The following MACO1 variants were observed in gnomAD, a reference collection of about 807,000 sequenced individuals.
MACO1 encodes macoilin.
MACO1 carries 14 observed loss-of-function variants against 78.7 expected under a neutral mutation model. The ratio of observed to expected loss-of-function variants is 0.18; its 90% CI spans 0.12 to 0.28. The LOEUF (loss-of-function observed/expected upper bound fraction) is 0.28. Ranked by LOEUF, MACO1 falls within the 10% of genes least tolerant of loss-of-function variation. MACO1 has a pLI of 1.00. For synonymous variants in MACO1, 288 were observed against 291.6 expected, an observed-to-expected ratio of 0.99 and a Z score of 0.12; for missense variants, 501 against 799.0, an observed-to-expected ratio of 0.63 and a Z score of 4.50.
At chr1:25,448,694 C>T in intron 2 of MACO1, 114 bp from the exon 3 acceptor site, 4 of 990,972 alleles carry the variant, frequency 4.0e-6, no homozygotes, top group South Asian at 3.3e-5. Flanking sequence ...TTACAGTTAC[C>T]AAGTTATCTC....
At chr1:25,492,424 CAG>C (rs2043494394) in intron 10 of MACO1, among the ~76,000 whole-genome samples, 2 of 152,014 alleles carry the variant, frequency 1.3e-5, no homozygotes, top group Non-Finnish European at 2.9e-5. Context: ...AGTATTTGAG[CAG>C]AGACCCAAAG....
intron 6 of MACO1, among the ~76,000 whole-genome samples, chr1:25,459,273 T>C (rs554043249): frequency 1.3e-5 from 2 of 152,320 alleles, no homozygotes; most frequent in African/African-American, 2.4e-5. Flanking sequence ...CAAACAGATA[T>C]ACATTGCAGG....
chr1:25,476,006 A>C (rs900940634), intron 6 of MACO1, among the ~76,000 whole-genome samples: 2 of 152,168 alleles, frequency 1.3e-5, no homozygotes, highest in African/African-American at 4.8e-5. Flanking sequence ...TTGACTATCT[A>C]AGTGCTTCTG....
intron 1 of MACO1, among the ~76,000 whole-genome samples, chr1:25,444,584 G>C (rs1227443099): frequency 1.3e-5 from 2 of 151,882 alleles, no homozygotes; most frequent in Non-Finnish European, 2.9e-5. Flanking sequence ...GTGTTTTTTT[G>C]TTTGTTTTTG....
Position 25,498,435 on chromosome 1 carries a change from A to G in MACO1, c.1964A>G (p.Asn655Ser), listed in dbSNP as rs775261429. 6.2e-6 allele frequency: 10 copies of G among 1,613,188 alleles called. No homozygotes were observed. Among genetic ancestry groups the G allele is most frequent in the Admixed American group, 1.7e-5 (1 of 59,864 alleles). Residue 655 changes from asparagine to serine, a missense_variant, in exon 11 of 11, where the codon AAT (asparagine) becomes AGT (serine). By Grantham distance (46) the Asn-to-Ser change is conservative (BLOSUM62 1). Transcript: ENST00000374343. Reference sequence around the variant, plus strand: ...ACCAGCCCCTCTGGACTTGACCCCAATGCCTCTGTTTACCAGCCCCTGAAG... The same window carrying G: ...ACCAGCCCCTCTGGACTTGACCCCAGTGCCTCTGTTTACCAGCCCCTGAAG... ...VETSPSGLDP[N>S]ASVYQPLKK
At chr1:25,431,264 G>A in intron 1 of MACO1, 86 bp downstream of exon 1, 1 of 1,060,916 alleles carries the variant, frequency 9.4e-7, no homozygotes, top group Non-Finnish European at 1.3e-6. Context: ...ATGTAACCCC[G>A]AGTAGGCCGC....
rs559083061 is a variant in MACO1 at position 25,471,812 on chromosome 1, C to G, written c.1155-12304C>G. 7.2e-5 allele frequency among the ~76,000 whole-genome samples: 11 copies of G among 152,274 alleles called. No homozygotes were observed. The South Asian group carries it at 2.3e-3, about 32-fold the overall frequency. On this transcript the variant is annotated intron_variant, in intron 6 of 10. Coordinates refer to ENST00000374343, the MANE Select transcript of MACO1 (RefSeq NM_018202.6). ...TTTGAGGTTATTAATAATTTTATTT[C>G]TAAATAGAAAGTCTCTTTGCTCCAA... is the stretch of plus-strand genomic sequence containing the variant.
chr1:25,483,082 C>A (rs1465735650), intron 6 of MACO1, among the ~76,000 whole-genome samples: 2 of 152,220 alleles, frequency 1.3e-5, no homozygotes, highest in Non-Finnish European at 1.5e-5. Flanking sequence ...CAGAGTCTCA[C>A]TCTTGTCACC....
intron 6 of MACO1, 104 bp downstream of exon 6, chr1:25,458,996 G>A (rs1430048857): frequency 7.2e-7 from 1 of 1,383,282 alleles, no homozygotes; most frequent in Non-Finnish European, 9.8e-7. Flanking sequence ...ATCAGATATT[G>A]TGACTAGTGA....
intron 6 of MACO1, among the ~76,000 whole-genome samples, chr1:25,477,972 G>A (rs182803919): frequency 3.4e-4 from 52 of 152,292 alleles, no homozygotes; most frequent in Non-Finnish European, 7.1e-4. Flanking sequence ...TCAGCTGGGC[G>A]TGGTGGCTCA....
Position 25,485,845 on chromosome 1 carries a change from C to G in MACO1, c.1496+50C>G, listed in dbSNP as rs767211882. On this transcript the variant is annotated intron_variant, in intron 8 of 10. Transcript: ENST00000374343. This position sits in a 1 kb window ranked among gnomAD's most constrained non-coding sequence, Gnocchi z 4.3. ...TAATCCAAGGTTGGCTTTCCTTTAC[C>G]AACAAAGACATGGGAATTTGGTGCC... 6.4e-7 allele frequency: 1 copy of G among 1,558,750 alleles called. No homozygotes were observed. Among genetic ancestry groups the G allele is most frequent in the East Asian group, 2.3e-5 (1 of 44,394 alleles).
intron 3 of MACO1, among the ~76,000 whole-genome samples, chr1:25,453,239 A>C (rs527712143): frequency 9.0e-5 from 13 of 144,212 alleles, no homozygotes; most frequent in Non-Finnish European, 1.8e-4. Context: ...TCCCGACCTC[A>C]GGTGATCCGC....
intron 10 of MACO1, among the ~76,000 whole-genome samples, chr1:25,493,727 C>CTTTTTTTTTTTT: frequency 1.1e-5 from 1 of 92,058 alleles, no homozygotes; most frequent in East Asian, 3.4e-4. Flanking sequence ...TAGTTTGATT[C>CTTTTTTTTTTTT]TTTTTTTTTT....
intron 6 of MACO1, among the ~76,000 whole-genome samples, chr1:25,472,742 G>A (rs985545294): frequency 2.6e-5 from 4 of 152,304 alleles, no homozygotes; most frequent in African/African-American, 9.6e-5. Flanking sequence ...CCTACAGGTG[G>A]CTACACAACA....
At chr1:25,435,289 C>T (rs2042909719) in intron 1 of MACO1, among the ~76,000 whole-genome samples, 1 of 152,028 alleles carries the variant, frequency 6.6e-6, no homozygotes, top group South Asian at 2.1e-4. Context: ...CAGTATTGTA[C>T]CTGACTGTCA....
chr1:25,439,897 A>G (rs769130293), intron 1 of MACO1, among the ~76,000 whole-genome samples: 3 of 151,694 alleles, frequency 2.0e-5, no homozygotes, highest in Non-Finnish European at 2.9e-5. Context: ...GCATGCCTGT[A>G]ATCCCAGCTA....
Position 25,498,489 on chromosome 1 carries a change from A to C in MACO1, c.*23A>C. ...TGAAGGCCAGCTGTGTGTTGTGCCC[A>C]AAAATTTGGTTACCGGAAGGCATTG... On this transcript the variant is annotated 3_prime_UTR_variant, in exon 11 of 11. Transcript: ENST00000374343. 6.4e-7 allele frequency: 1 copy of C among 1,566,384 alleles called. No individual in the cohort carries two copies. Among genetic ancestry groups the C allele is most frequent in the Non-Finnish European group, 8.6e-7 (1 of 1,160,836 alleles).
rs202050214 is a variant in MACO1 at position 25,480,929 on chromosome 1, AATATATATATATATATATATATATAT to A, written c.1155-3166_1155-3141del. Among the ~76,000 whole-genome samples the A allele has an allele frequency of 9.2e-4, 44 of 47,938 alleles. 2 individuals carry two copies. The highest frequency in any genetic ancestry group is 3.1e-3 in the Admixed American group (10 of 3,208). 31.4% of individuals were successfully genotyped at this position (47,938 alleles called of 152,430 possible). A position where few individuals can be genotyped will look rare whatever the true frequency, so the allele number is the denominator to read the frequency against. ...AGACTTGGTTAAAAAAAAAAAAAAAAATATATATATATATATATATATATATATATATATATATATATATATTTCAT... is the reference window on the plus strand; with the variant it reads ...AGACTTGGTTAAAAAAAAAAAAAAAAATATATATATATATATATATTTCAT... On this transcript the variant is annotated intron_variant, in intron 6 of 10. Transcript: ENST00000374343.
intron 6 of MACO1, among the ~76,000 whole-genome samples, chr1:25,474,243 A>G (rs2043299938): frequency 6.6e-6 from 1 of 152,206 alleles, no homozygotes; most frequent in Non-Finnish European, 1.5e-5. Context: ...TCTCAGTTAA[A>G]AAACTTTTTT....
Sources: allele counts gnomAD v4.1 joint callset (sites outside exome capture counted in the v4.1 genomes callset), GRCh38; gene constraint gnomAD v4.1.1; non-coding constraint Gnocchi (gnomAD v3.1); transcripts MANE v1.5; gene names NCBI Gene and HGNC (gene_info 2026-07-23, HGNC 2026-07-21).